ERICH6B: variants seen among roughly 807,000 people sequenced by gnomAD.
ERICH6B encodes the protein glutamate rich 6B, also known as glutamate-rich protein 6B.
In ERICH6B, 69 loss-of-function variants were observed where a neutral mutation model predicts 80.0. The ratio of observed to expected loss-of-function variants is 0.86; its 90% confidence interval spans 0.71 to 1.05. ERICH6B has a LOEUF of 1.05. ERICH6B is among the 50% of genes least tolerant of loss of function. The pLI, the probability that ERICH6B is intolerant of heterozygous loss-of-function variation, is 0.00. For missense variants in ERICH6B, 754 were observed against 796.1 expected, an observed-to-expected ratio of 0.95 and a Z score of 0.64; for synonymous variants, 283 against 291.9, an observed-to-expected ratio of 0.97 and a Z score of 0.31.
At chr13:45,565,852 T>C (rs1874889797) in intron 9 of ERICH6B, among the ~76,000 whole-genome samples, 1 of 152,098 alleles carries the variant, frequency 6.6e-6, no homozygotes. Context: ...TACCTGAAAA[T>C]GCGGAAGTGA....
chr13:45,568,592 G>C (rs1004037076), intron 8 of ERICH6B, 141 bp from the exon 9 acceptor site: 18 of 814,340 alleles, frequency 2.2e-5, no homozygotes, highest in South Asian at 4.2e-5. Flanking sequence ...CCAGGGGCAG[G>C]GGGAGGGAGA....
rs1309117204 is a variant in ERICH6B at position 45,615,690 on chromosome 13, C to G, written c.-116G>C. The G allele has an allele frequency of 6.6e-6, 1 of 152,328 alleles. No homozygotes were observed. Among genetic ancestry groups the G allele is most frequent in the East Asian group, 1.9e-4 (1 of 5,194 alleles). 9.4% of individuals were successfully genotyped at this position (152,328 alleles called of 1,614,324 possible). A position where few individuals can be genotyped will look rare whatever the true frequency, so the allele number is the denominator to read the frequency against. On this transcript the variant is annotated 5_prime_UTR_variant, in exon 1 of 15. Coordinates refer to ENST00000298738, the MANE Select transcript of ERICH6B (RefSeq NM_182542.3). ...CTAACGTGCGCAGCCCTTACCCAAG[C>G]CAGGCTCCCGCGCGTGCATCCACCG...
At chr13:45,551,132 TC>T (rs1455407958) in intron 11 of ERICH6B, among the ~76,000 whole-genome samples, 1 of 152,232 alleles carries the variant, frequency 6.6e-6, no homozygotes, top group African/African-American at 2.4e-5. Context: ...TTTAAAGAGA[TC>T]TCTGCTGTCT....
chr13:45,594,415 A>G (rs58079477), intron 3 of ERICH6B, among the ~76,000 whole-genome samples: 17 of 152,340 alleles, frequency 1.1e-4, no homozygotes, highest in Admixed American at 1.0e-3. Context: ...GATCCAGCAC[A>G]TAGAGGGGAC....
At chr13:45,558,937 C>T (rs1454212380) in intron 11 of ERICH6B, among the ~76,000 whole-genome samples, 7 of 152,208 alleles carry the variant, frequency 4.6e-5, no homozygotes, top group Admixed American at 2.6e-4. Context: ...TAGGGTGACA[C>T]TGGCTTCACA....
At position 45,546,342 on chromosome 13, in the gene ERICH6B, G is replaced by T. The variant is rs568029565; in HGVS notation, c.1647-1357C>A. Among the ~76,000 whole-genome samples the T allele has an allele frequency of 1.2e-4, 19 of 152,320 alleles. No individual in the cohort carries two copies. The South Asian group carries it at 3.7e-3, about 30-fold the overall frequency. On this transcript the variant is annotated intron_variant, in intron 13 of 14. Transcript: ENST00000298738. ...ATCTCTAGGGAATCACATGAAGAAA[G>T]GAAGCGATGCTGAGGCCTGGGTTCG...
rs373148384 is a variant in ERICH6B, at chr13:45,561,483, C to T, written c.1293G>A (p.Met431Ile). 97 of 1,551,946 alleles carry T rather than the reference C, an allele frequency of 6.3e-5. No individual in the cohort carries two copies. The highest frequency in any genetic ancestry group is 7.8e-5 in the Non-Finnish European group (90 of 1,147,074). Residue 431 changes from methionine (M) to isoleucine (I), a missense_variant, in exon 11 of 15, where the codon ATG (methionine) becomes ATA (isoleucine). Coordinates refer to ENST00000298738, the MANE Select transcript of ERICH6B (RefSeq NM_182542.3). Reference protein sequence around the residue: ...TEMTSFTFHLMSKPTPEKPET... With the variant: ...TEMTSFTFHLISKPTPEKPET... ...CAGGCTTCTCAGGTGTTGGTTTGCT[C>T]ATTAAATGAAATGTGAAACTGGTCA...
Position 45,596,482 on chromosome 13 carries a change from T to A in ERICH6B, c.524A>T (p.Tyr175Phe). 6.4e-7 allele frequency: 1 copy of A among 1,551,744 alleles called. No homozygotes were observed. The highest frequency in any genetic ancestry group is 2.4e-5 in the East Asian group (1 of 40,906). The change falls in exon 3 of 15, where the codon TAT (tyrosine) becomes TTT (phenylalanine). Residue 175 changes from tyrosine (Y) to phenylalanine (F), a missense_variant. Coordinates refer to ENST00000298738, the MANE Select transcript of ERICH6B (RefSeq NM_182542.3). ...CTCCAGAGCCTTTTCCTCTTCTAGA[T>A]ATGATTTCTTCCCCAGATACTCCTC... ...EEEEYLGKKS[Y>F]LEEEKALEKE...
intron 3 of ERICH6B, among the ~76,000 whole-genome samples, chr13:45,591,014 T>A (rs1876135323): frequency 2.0e-5 from 3 of 152,226 alleles, no homozygotes; most frequent in African/African-American, 4.8e-5. Flanking sequence ...CAGAGGTGAC[T>A]GAGGTGCAGG....
chr13:45,587,021 G>C, intron 5 of ERICH6B, 42 bp downstream of exon 5: 1 of 1,529,428 alleles, frequency 6.5e-7, no homozygotes, highest in African/African-American at 1.4e-5. Flanking sequence ...CTGGCCCACA[G>C]AGCCCGGCTG....
chr13:45,554,933 C>G (rs1314120179), intron 11 of ERICH6B, among the ~76,000 whole-genome samples: 1 of 152,198 alleles, frequency 6.6e-6, no homozygotes, highest in African/African-American at 2.4e-5. Context: ...AACAAACAAA[C>G]AAAACTAAAT....
Position 45,567,168 on chromosome 13 carries a change from G to C in ERICH6B, c.1187+1147C>G, listed in dbSNP as rs139380805. ...AGCTGTATTCATCCAATGCCTGTAC[G>C]CCCACTGTATCTAGGAAGTAACTAA... On this transcript the variant is annotated intron_variant, in intron 9 of 14. Coordinates refer to ENST00000298738, the MANE Select transcript of ERICH6B (RefSeq NM_182542.3). 7.3e-3 allele frequency among the ~76,000 whole-genome samples: 1,119 copies of C among 152,268 alleles called. 11 individuals are homozygous for C. Among genetic ancestry groups the C allele is most frequent in the African/African-American group, 0.025 (1,042 of 41,538 alleles).
intron 7 of ERICH6B, among the ~76,000 whole-genome samples, chr13:45,576,784 C>G (rs557824513): frequency 1.3e-5 from 2 of 152,200 alleles, no homozygotes; most frequent in Admixed American, 1.3e-4. Context: ...ATAAGGTGAA[C>G]TGGGCAGCAC....
At chr13:45,595,385 T>C (rs978245397) in intron 3 of ERICH6B, among the ~76,000 whole-genome samples, 3 of 152,154 alleles carry the variant, frequency 2.0e-5, no homozygotes, top group African/African-American at 4.8e-5. Flanking sequence ...TAATATTAAA[T>C]GATATTCATA....
chr13:45,597,969 A>G (rs1209615502), intron 2 of ERICH6B, among the ~76,000 whole-genome samples: 3 of 152,158 alleles, frequency 2.0e-5, no homozygotes, highest in African/African-American at 7.2e-5. Flanking sequence ...TCTGCTAGTC[A>G]TTTGCTGCAA....
chr13:45,602,019 T>C (rs1025163422), intron 2 of ERICH6B, among the ~76,000 whole-genome samples: 4 of 152,186 alleles, frequency 2.6e-5, no homozygotes, highest in Admixed American at 1.3e-4. Flanking sequence ...TGAATGTGTG[T>C]TGTGGGTCCT....
chr13:45,569,655 A>C (rs147129458), intron 8 of ERICH6B, among the ~76,000 whole-genome samples: 10 of 152,304 alleles, frequency 6.6e-5, no homozygotes, highest in African/African-American at 1.7e-4. Flanking sequence ...AAAATATACC[A>C]TTAACTCACT....
rs147213004 is a variant in ERICH6B at position 45,581,776 on chromosome 13, G to T, written c.857-1111C>A. Among the ~76,000 whole-genome samples, 11 of 152,330 alleles carry T rather than the reference G, an allele frequency of 7.2e-5. No individual in the cohort carries two copies. In the East Asian group the frequency reaches 1.7e-3, roughly 24 times the overall value. Reference sequence around the variant, plus strand: ...GAGTGTCCTAAATTCAAGACGGACAGGGTACAAAAACAAAAACTTGTGTTG... The same window carrying T: ...GAGTGTCCTAAATTCAAGACGGACATGGTACAAAAACAAAAACTTGTGTTG... On this transcript the variant is annotated intron_variant, in intron 5 of 14. Coordinates refer to ENST00000298738, the MANE Select transcript of ERICH6B (RefSeq NM_182542.3).
At chr13:45,545,704 G>A (rs1422953864) in intron 13 of ERICH6B, among the ~76,000 whole-genome samples, 4 of 152,196 alleles carry the variant, frequency 2.6e-5, no homozygotes, top group Non-Finnish European at 4.4e-5. Flanking sequence ...TTCAAACCCT[G>A]TCCCACCAGC....
Sources: gnomAD v4.1 joint callset for allele counts (sites outside exome capture counted in the v4.1 genomes callset) on GRCh38, gnomAD v4.1.1 for gene constraint, MANE v1.5 for transcripts, NCBI Gene and HGNC (gene_info 2026-07-23, HGNC 2026-07-21) for gene names.